Variants in DHX29 observed in about 807,000 individuals in gnomAD.
DHX29 encodes the protein ATP-dependent RNA helicase DHX29.
Under a neutral mutation model 167.9 loss-of-function variants are expected in DHX29, and 79 were observed. The ratio of observed to expected loss-of-function variants is 0.47; its 90% confidence interval spans 0.39 to 0.57. The LOEUF (loss-of-function observed/expected upper bound fraction) is 0.57. DHX29 is among the 20% of genes least tolerant of loss of function. The probability of loss-of-function intolerance (pLI) is 0.00; values close to 1 mark genes in which losing one functional copy is unlikely to be tolerated. For synonymous variants in DHX29, 530 were observed against 546.0 expected (o/e 0.97, Z 0.41); for missense variants, 1,347 against 1,593.4 (o/e 0.85, Z 2.63).
At chr5:55,304,230 G>A (rs1748744925) in intron 1 of DHX29, among the ~76,000 whole-genome samples, 1 of 150,394 alleles carries the variant, frequency 6.6e-6, no homozygotes, top group Non-Finnish European at 1.5e-5. Flanking sequence ...AGGCCTTTCT[G>A]TTCCCTCTCC....
At chr5:55,272,882 G>A (rs1746921819) in intron 17 of DHX29, among the ~76,000 whole-genome samples, 1 of 152,124 alleles carries the variant, frequency 6.6e-6, no homozygotes, top group African/African-American at 2.4e-5. Flanking sequence ...TTACTTATTA[G>A]CTTTGTGACC....
chr5:55,260,922 T>G (rs1482482021), intron 25 of DHX29, among the ~76,000 whole-genome samples: 1 of 152,170 alleles, frequency 6.6e-6, no homozygotes, highest in Non-Finnish European at 1.5e-5. Flanking sequence ...TATTCCACAA[T>G]GTAGTGGAAT....
chr5:55,301,484 C>A (rs1230623564), intron 1 of DHX29, among the ~76,000 whole-genome samples: 2 of 152,046 alleles, frequency 1.3e-5, no homozygotes, highest in African/African-American at 4.8e-5. Flanking sequence ...GAGGCCAAGG[C>A]AGGTGGATCA....
At chr5:55,298,791 G>C in intron 1 of DHX29, 127 bp from the exon 2 acceptor site, 1 of 420,704 alleles carries the variant, frequency 2.4e-6, no homozygotes, top group South Asian at 2.8e-5. Flanking sequence ...AGCACTTTGG[G>C]AGGCCGAGGC....
intron 3 of DHX29, among the ~76,000 whole-genome samples, chr5:55,296,666 CAAGT>C (rs1334007174): frequency 6.6e-6 from 1 of 152,070 alleles, no homozygotes; most frequent in Non-Finnish European, 1.5e-5. Context: ...AGCACCTTCC[CAAGT>C]TAGTAGAAAC....
At chr5:55,263,500 T>C (rs1048679354) in intron 23 of DHX29, among the ~76,000 whole-genome samples, 1 of 152,044 alleles carries the variant, frequency 6.6e-6, no homozygotes, top group African/African-American at 2.4e-5. Flanking sequence ...GTACACAGGA[T>C]ACAAGCAATT....
chr5:55,258,882 G>A (rs1746176068), intron 26 of DHX29, among the ~76,000 whole-genome samples: 1 of 152,088 alleles, frequency 6.6e-6, no homozygotes, highest in African/African-American at 2.4e-5. Context: ...AGGATAATGT[G>A]TTTATTTTAT....
Position 55,267,828 on chromosome 5 carries a change from C to T in DHX29, c.3295-6G>A. Reference sequence around the variant, plus strand: ...ATAACTGCAGCTAGTGTTGCCTATCCATAAATCATAAATGACAAAACAATT... The same window carrying T: ...ATAACTGCAGCTAGTGTTGCCTATCTATAAATCATAAATGACAAAACAATT... On this transcript the variant is annotated splice_region_variant and splice_polypyrimidine_tract_variant and intron_variant, in intron 21 of 26. Transcript: ENST00000251636. The T allele has an allele frequency of 1.3e-6, 2 of 1,583,032 alleles. No individual in the cohort carries two copies. Among genetic ancestry groups the T allele is most frequent in the Non-Finnish European group, 1.7e-6 (2 of 1,164,062 alleles).
intron 21 of DHX29, among the ~76,000 whole-genome samples, chr5:55,269,117 G>T (rs553385039): frequency 2.6e-5 from 4 of 151,560 alleles, no homozygotes; most frequent in South Asian, 4.2e-4. Context: ...GTGGTGGCAC[G>T]TGCCTGTAAT....
chr5:55,295,621 G>C, intron 4 of DHX29, 97 bp from the exon 5 acceptor site: 2 of 1,262,138 alleles, frequency 1.6e-6, no homozygotes, highest in Non-Finnish European at 2.2e-6. Context: ...CCTAGACTTA[G>C]AGCACCTAAT....
chr5:55,274,149 T>C (rs1179444091), intron 16 of DHX29, among the ~76,000 whole-genome samples: 2 of 151,858 alleles, frequency 1.3e-5, no homozygotes, highest in South Asian at 4.1e-4. Flanking sequence ...ATCCTGGCAC[T>C]TTGGTAGGCC....
chr5:55,257,066 C>T (rs1430909423), intron 26 of DHX29, among the ~76,000 whole-genome samples: 3 of 152,232 alleles, frequency 2.0e-5, no homozygotes, highest in South Asian at 2.1e-4. Flanking sequence ...GGTGTCAATG[C>T]GGAAGTGACA....
chr5:55,267,026 TG>T (rs1201942902), intron 23 of DHX29, 111 bp downstream of exon 23: 1 of 632,662 alleles, frequency 1.6e-6, no homozygotes, highest in Non-Finnish European at 2.7e-6. Flanking sequence ...ATTCAACAAA[TG>T]TTTACTAAGC....
intron 4 of DHX29, 124 bp downstream of exon 4, chr5:55,296,096 G>C: frequency 9.5e-7 from 1 of 1,051,828 alleles, no homozygotes; most frequent in Non-Finnish European, 1.3e-6. Context: ...CAGAAGGTAA[G>C]AACACTTTAA....
chr5:55,285,745 G>C lies in DHX29; in HGVS notation c.1183C>G (p.Pro395Ala), dbSNP rs1747687745. The C allele has an allele frequency of 6.3e-7, 1 of 1,599,698 alleles. No homozygotes were observed. Among genetic ancestry groups the C allele is most frequent in the African/African-American group, 1.3e-5 (1 of 74,660 alleles). Residue 395 changes from proline to alanine, a missense_variant, in exon 9 of 27, where the codon CCA (proline) becomes GCA (alanine). By Grantham distance (27) the Pro-to-Ala change is conservative. Transcript: ENST00000251636. ...DWVRKNLPKSPNPSFEKVPVG... is the reference protein window; with the variant it reads ...DWVRKNLPKSANPSFEKVPVG... ...GGAACTTTTTCAAAGGAAGGATTTG[G>C]ACTCTTGGGAAGATTCTTCCTGACC...
rs111327801 is a variant in DHX29, at chr5:55,282,762, G to T, written c.1965+441C>A. Among the ~76,000 whole-genome samples the T allele has an allele frequency of 2.4e-3, 363 of 151,968 alleles. 2 individuals are homozygous for T. The highest frequency in any genetic ancestry group is 0.024 in the Middle Eastern group (7 of 294). ...TTCTCATTTTTTTTTTAAATATGGG[G>T]TTGGAAAATACTAACATTTTAATTT... On this transcript the variant is annotated intron_variant, in intron 11 of 26. Transcript: ENST00000251636.
At chr5:55,266,468 C>T (rs1260845592) in intron 23 of DHX29, among the ~76,000 whole-genome samples, 1 of 151,644 alleles carries the variant, frequency 6.6e-6, no homozygotes, top group Non-Finnish European at 1.5e-5. Context: ...CGCCACCACA[C>T]CTGGCTAATT....
At position 55,297,364 on chromosome 5, in the gene DHX29, A is replaced by G; in HGVS notation, c.296T>C (p.Ile99Thr). The G allele has an allele frequency of 6.4e-7, 1 of 1,572,382 alleles. No homozygotes were observed. Among genetic ancestry groups the G allele is most frequent in the Non-Finnish European group, 8.7e-7 (1 of 1,144,056 alleles). Reference protein sequence around the residue: ...VINNKLEQRIIGVINEHKKQN... With the variant: ...VINNKLEQRITGVINEHKKQN... ...CTTTTTATGCTCATTGATCACTCCAATAATTCTTTGCTCTAGTTTGTTATT... is the reference window on the plus strand; with the variant it reads ...CTTTTTATGCTCATTGATCACTCCAGTAATTCTTTGCTCTAGTTTGTTATT... The change falls in exon 3 of 27, where the codon ATT becomes ACT. Residue 99 changes from isoleucine (I) to threonine (T), a missense_variant. Physicochemically the swap from Ile to Thr is moderately conservative, Grantham distance 89. Transcript: ENST00000251636.
chr5:55,273,177 G>T, intron 17 of DHX29, 116 bp downstream of exon 17: 1 of 1,065,312 alleles, frequency 9.4e-7, no homozygotes, highest in Non-Finnish European at 1.3e-6. Flanking sequence ...CTTGGAGTTG[G>T]CAATGCGCTA....
Sources: gnomAD v4.1 joint callset for allele counts (sites outside exome capture counted in the v4.1 genomes callset) on GRCh38, gnomAD v4.1.1 for gene constraint, MANE v1.5 for transcripts, NCBI Gene and HGNC (gene_info 2026-07-23, HGNC 2026-07-21) for gene names.